FRMD3: variants seen among roughly 807,000 people sequenced by gnomAD.
FRMD3 encodes FERM domain containing 3.
A neutral mutation model predicts 70.2 loss-of-function variants in FRMD3; 33 were observed. That is an observed-to-expected ratio of 0.47 (90% CI 0.36 to 0.63). The LOEUF is 0.63. Ranked by LOEUF, FRMD3 falls within the 20% of genes least tolerant of loss-of-function variation. The pLI, the probability that FRMD3 is intolerant of heterozygous loss-of-function variation, is 0.00. For missense variants in FRMD3, 632 were observed against 711.4 expected, an observed-to-expected ratio of 0.89 and a Z score of 1.27; for synonymous variants, 279 against 255.9, an observed-to-expected ratio of 1.09 and a Z score of -0.86.
chr9:83,492,538 AG>A (rs1828851435), intron 1 of FRMD3, among the ~76,000 whole-genome samples: 1 of 152,176 alleles, frequency 6.6e-6, no homozygotes, highest in African/African-American at 2.4e-5. Flanking sequence ...GGGCCAGGGC[AG>A]GCAGGAGGAA....
chr9:83,248,763 G>A (rs1387273899), intron 13 of FRMD3, among the ~76,000 whole-genome samples: 3 of 152,174 alleles, frequency 2.0e-5, no homozygotes, highest in Non-Finnish European at 2.9e-5. Context: ...CAACATTTAG[G>A]TGTGCAATTT....
At chr9:83,452,762 G>A (rs1320875544) in intron 1 of FRMD3, among the ~76,000 whole-genome samples, 2 of 151,888 alleles carry the variant, frequency 1.3e-5, no homozygotes, top group Non-Finnish European at 2.9e-5. Context: ...GATTACAGGC[G>A]TGAGCCACCA....
chr9:83,502,486 T>C (rs12552693), intron 1 of FRMD3, among the ~76,000 whole-genome samples: 69,200 of 152,046 alleles, frequency 0.46, 16,152 homozygotes, highest in Middle Eastern at 0.54. Context: ...CATAAATAGG[T>C]ACACTGTGCG....
intron 3 of FRMD3, among the ~76,000 whole-genome samples, chr9:83,356,163 T>C (rs903750425): frequency 2.6e-5 from 4 of 152,040 alleles, no homozygotes; most frequent in Non-Finnish European, 5.9e-5. Context: ...AGCAAGATCC[T>C]GGGTGAAAGG....
At chr9:83,428,273 G>A (rs978013404) in intron 1 of FRMD3, among the ~76,000 whole-genome samples, 3 of 152,026 alleles carry the variant, frequency 2.0e-5, no homozygotes, top group Non-Finnish European at 4.4e-5. Flanking sequence ...AGCTACTTGG[G>A]AGGCTGAGGC....
At chr9:83,464,152 A>G (rs895846552) in intron 1 of FRMD3, among the ~76,000 whole-genome samples, 4 of 152,176 alleles carry the variant, frequency 2.6e-5, no homozygotes, top group African/African-American at 7.2e-5. Flanking sequence ...TTTGAACTTC[A>G]TATTGGAGCA....
At chr9:83,459,547 T>C (rs73465796) in intron 1 of FRMD3, among the ~76,000 whole-genome samples, 19,097 of 152,268 alleles carry the variant, frequency 0.13, 1,719 homozygotes, top group African/African-American at 0.25. Flanking sequence ...TGCCTAGGCC[T>C]GTGCACATGC....
At chr9:83,344,824 A>T (rs368766456) in intron 4 of FRMD3, among the ~76,000 whole-genome samples, 10 of 143,970 alleles carry the variant, frequency 6.9e-5, no homozygotes, top group Non-Finnish European at 1.1e-4. Flanking sequence ...TGCATGTGTG[A>T]GTGTGTGTGT....
the FRMD3 span, among the ~76,000 whole-genome samples, chr9:83,576,597 C>G: frequency 6.6e-6 from 1 of 152,126 alleles, no homozygotes; most frequent in Non-Finnish European, 1.5e-5. Flanking sequence ...TCCTCCAACC[C>G]TTTATCCTCC....
At chr9:83,563,970 G>A in the FRMD3 span, among the ~76,000 whole-genome samples, 44 of 152,122 alleles carry the variant, frequency 2.9e-4, 1 homozygote, top group Admixed American at 2.1e-3. Context: ...TTACCTTACA[G>A]TGCCAAGTCA....
At position 83,244,871 on chromosome 9, in the gene FRMD3, GCACAGACAAATACATA is replaced by G; in HGVS notation, c.*3031_*3046del. On this transcript the variant is annotated 3_prime_UTR_variant, in exon 14 of 14. Coordinates refer to ENST00000304195, the MANE Select transcript of FRMD3 (RefSeq NM_174938.6). ...CATAACATTTTACAATATTTTTCAA[GCACAGACAAATACATA>G]CTTTACTTTACCTACATTGTTTTCA... is the stretch of plus-strand genomic sequence containing the variant. 1.0e-6 allele frequency: 1 copy of G among 983,258 alleles called. No individual in the cohort carries two copies. The highest frequency in any genetic ancestry group is 1.2e-6 in the Non-Finnish European group (1 of 829,264). The allele number at this position is 983,258 out of a possible 1,614,324, so 60.9% of individuals were successfully genotyped here. A position where few individuals can be genotyped will look rare whatever the true frequency, so the allele number is the denominator to read the frequency against.
chr9:83,475,120 C>T (rs2889246), intron 1 of FRMD3, among the ~76,000 whole-genome samples: 349 of 152,008 alleles, frequency 2.3e-3, no homozygotes, highest in African/African-American at 8.0e-3. Flanking sequence ...TAAAAATTAC[C>T]GGGCATACCA....
At chr9:83,397,682 G>C in intron 1 of FRMD3, among the ~76,000 whole-genome samples, 1 of 152,154 alleles carries the variant, frequency 6.6e-6, no homozygotes, top group Admixed American at 6.6e-5. Flanking sequence ...GGGTTGTGAG[G>C]TTCTTGTTCA....
chr9:83,560,952 A>G, the FRMD3 span, among the ~76,000 whole-genome samples: 1 of 152,206 alleles, frequency 6.6e-6, no homozygotes, highest in Admixed American at 6.5e-5. Context: ...GATGAAAGAA[A>G]AGTAAGTTTC....
Position 83,507,793 on chromosome 9 carries a change from T to C in FRMD3, c.147+30292A>G, listed in dbSNP as rs1244329833. On this transcript the variant is annotated intron_variant, in intron 1 of 13. Transcript: ENST00000304195. ...CAGGGGCTGTTTTACAGTTAACATT[T>C]TGTATATAAGTAGAAGGAGTACACT... Among the ~76,000 whole-genome samples, 4 of 140,568 alleles carry C rather than the reference T, an allele frequency of 2.8e-5. No homozygotes were observed. In the East Asian group the frequency reaches 8.4e-4, roughly 30 times the overall value. The allele number at this position is 140,568 out of a possible 152,430, so 92.2% of individuals were successfully genotyped here.
intron 1 of FRMD3, among the ~76,000 whole-genome samples, chr9:83,414,744 C>T (rs1213924974): frequency 2.6e-5 from 4 of 152,184 alleles, no homozygotes; most frequent in African/African-American, 9.6e-5. Context: ...CCTTTTACTA[C>T]ACAAATATCA....
chr9:83,318,513 C>T (rs987684625), intron 6 of FRMD3, among the ~76,000 whole-genome samples: 2 of 151,748 alleles, frequency 1.3e-5, no homozygotes, highest in African/African-American at 4.8e-5. Context: ...ATATATATCA[C>T]ATTTTCCTTG....
chr9:83,479,659 GGAAGGAAGGAAGGAAAGAAA>G (rs1828495720), intron 1 of FRMD3, among the ~76,000 whole-genome samples: 1 of 47,700 alleles, frequency 2.1e-5, no homozygotes, highest in Non-Finnish European at 3.9e-5. Context: ...AAGGAAGGAA[GGAAGGAAGGAAGGAAAGAAA>G]GAAAGAAAGA....
At position 83,357,238 on chromosome 9, in the gene FRMD3, AATACATACATATATAT is replaced by A. The variant is rs1375461045; in HGVS notation, c.296-7497_296-7482del. Among the ~76,000 whole-genome samples the A allele has an allele frequency of 8.0e-3, 32 of 3,996 alleles. 2 individuals are homozygous for A. The highest frequency in any genetic ancestry group is 6.7e-3 in the African/African-American group (9 of 1,340). 2.6% of individuals were successfully genotyped at this position (3,996 alleles called of 152,430 possible). Reference sequence around the variant, plus strand: ...GAATATATATATTTTATATATATATAATACATACATATATATATATATATATATATATATATATATA... The same window carrying A: ...GAATATATATATTTTATATATATATAATATATATATATATATATATATATA... On this transcript the variant is annotated intron_variant, in intron 3 of 13. Transcript: ENST00000304195.
Sources: gnomAD v4.1 joint callset for allele counts (sites outside exome capture counted in the v4.1 genomes callset) on GRCh38, gnomAD v4.1.1 for gene constraint, MANE v1.5 for transcripts, NCBI Gene and HGNC (gene_info 2026-07-23, HGNC 2026-07-21) for gene names.